Variants in TSPEAR observed in about 807,000 individuals in gnomAD.
TSPEAR encodes the protein thrombospondin type laminin G domain and EAR repeats.
TSPEAR carries 69 observed loss-of-function variants against 71.6 expected under a neutral mutation model. That is an observed-to-expected ratio of 0.96 (90% CI 0.79 to 1.18). The LOEUF (loss-of-function observed/expected upper bound fraction) is 1.18, where lower values mean the gene tolerates loss of function less well. Ranked by LOEUF, TSPEAR falls within the 50% of genes most tolerant of loss-of-function variation. TSPEAR has a pLI of 0.00. For missense variants in TSPEAR, 971 were observed against 894.9 expected, an observed-to-expected ratio of 1.09 and a Z score of -1.09; for synonymous variants, 402 against 387.2, an observed-to-expected ratio of 1.04 and a Z score of -0.45.
At chr21:44,671,505 G>C (rs1374022963) in intron 1 of TSPEAR, among the ~76,000 whole-genome samples, 3 of 152,202 alleles carry the variant, frequency 2.0e-5, no homozygotes, top group African/African-American at 4.8e-5. Flanking sequence ...TGGCCAACCT[G>C]GTGTTTCTGA....
intron 1 of TSPEAR, among the ~76,000 whole-genome samples, chr21:44,584,611 T>C (rs1182914647): frequency 2.0e-5 from 3 of 151,162 alleles, no homozygotes; most frequent in Middle Eastern, 6.9e-3. Flanking sequence ...CCTCTCTCCC[T>C]CTCTCTCTCT....
rs587648214 is a variant in TSPEAR, at chr21:44,649,301, G to A, written c.82+62132C>T. ...TGGCCTGGGAGGAGGGATGAGCAGCGGTCTGTGGAGGAGGCCTTCTAAGGA... is the reference window on the plus strand; with the variant it reads ...TGGCCTGGGAGGAGGGATGAGCAGCAGTCTGTGGAGGAGGCCTTCTAAGGA... On this transcript the variant is annotated intron_variant, in intron 1 of 11. Transcript: ENST00000323084. Among the ~76,000 whole-genome samples the A allele has an allele frequency of 3.0e-4, 45 of 152,278 alleles. No individual in the cohort carries two copies. The South Asian group carries it at 7.9e-3, about 27-fold the overall frequency.
chr21:44,689,740 T>TATATATATATATATATATATATA (rs1555949490), intron 1 of TSPEAR, among the ~76,000 whole-genome samples: 284 of 124,912 alleles, frequency 2.3e-3, no homozygotes, highest in African/African-American at 3.0e-3. Flanking sequence ...TATATATATA[T>TATATATATATATATATATATATA]TTTGGGGGGG....
At chr21:44,501,767 C>T (rs950855332) in intron 11 of TSPEAR, among the ~76,000 whole-genome samples, 7 of 151,872 alleles carry the variant, frequency 4.6e-5, no homozygotes, top group Admixed American at 2.6e-4. Flanking sequence ...CCTGTCCCCC[C>T]CAAAAAATAA....
chr21:44,708,816 T>A (rs1555953010), intron 1 of TSPEAR, among the ~76,000 whole-genome samples: 3 of 152,218 alleles, frequency 2.0e-5, no homozygotes, highest in Non-Finnish European at 4.4e-5. Flanking sequence ...GAGCTGCAGT[T>A]TGGCCAAGTT....
rs782285134 is a variant in TSPEAR at position 44,697,381 on chromosome 21, C to A, written c.82+14052G>T. On this transcript the variant is annotated intron_variant, in intron 1 of 11. Transcript: ENST00000323084. The stretch of plus-strand genomic sequence containing the variant: ...GCACCCCAGTGAGCCGTGTATCCAG[C>A]CCCTGCTGCCGAGTGACCTGTGAGC... 77 of 1,613,270 alleles carry A rather than the reference C, an allele frequency of 4.8e-5. No homozygotes were observed. Among genetic ancestry groups the A allele is most frequent in the Admixed American group, 1.3e-4 (8 of 60,004 alleles).
chr21:44,500,419 C>T (rs1474031800), intron 11 of TSPEAR, among the ~76,000 whole-genome samples: 1 of 152,236 alleles, frequency 6.6e-6, no homozygotes, highest in East Asian at 1.9e-4. Flanking sequence ...GGCTGCTGGC[C>T]GCCAGGGTTT....
Position 44,623,054 on chromosome 21 carries a change from G to A in TSPEAR, c.83-55049C>T, listed in dbSNP as rs1410065613. On this transcript the variant is annotated intron_variant, in intron 1 of 11. Coordinates refer to ENST00000323084, the MANE Select transcript of TSPEAR (RefSeq NM_144991.3). This position sits in a 1 kb window ranked among gnomAD's most constrained non-coding sequence, Gnocchi z 4.5. ...TTCCACCATGAGCAAAGCCCCCTGA[G>A]GCCTCCCCAGAAGCTGAGCAGATGC... Among the ~76,000 whole-genome samples, 2 of 152,120 alleles carry A rather than the reference G, an allele frequency of 1.3e-5. No homozygotes were observed. Among genetic ancestry groups the A allele is most frequent in the African/African-American group, 4.8e-5 (2 of 41,398 alleles).
intron 1 of TSPEAR, chr21:44,682,068 G>A (rs1263697563): frequency 6.2e-7 from 1 of 1,614,010 alleles, no homozygotes; most frequent in South Asian, 1.1e-5. Context: ...TGCCTGGCAG[G>A]GGCTGGGCGC....
intron 1 of TSPEAR, among the ~76,000 whole-genome samples, chr21:44,704,184 C>T (rs1398115187): frequency 1.3e-5 from 2 of 152,136 alleles, no homozygotes; most frequent in Non-Finnish European, 2.9e-5. Context: ...TCCTACCATC[C>T]TCTTCCTAGC....
Position 44,574,088 on chromosome 21 carries a change from C to T in TSPEAR, c.83-6083G>A, listed in dbSNP as rs201050632. 534 of 1,607,360 alleles carry T rather than the reference C, an allele frequency of 3.3e-4. No homozygotes were observed. The Middle Eastern group carries it at 9.8e-3, about 30-fold the overall frequency. On this transcript the variant is annotated intron_variant, in intron 1 of 11. Transcript: ENST00000323084. ...CCTCCCCCTGCCAGCAGGCCTGCTGCGTGCCCGTCTGCTGCAAGACTGTCT... is the reference window on the plus strand; with the variant it reads ...CCTCCCCCTGCCAGCAGGCCTGCTGTGTGCCCGTCTGCTGCAAGACTGTCT...
chr21:44,501,809 A>G (rs983628343), intron 11 of TSPEAR, among the ~76,000 whole-genome samples: 11 of 152,188 alleles, frequency 7.2e-5, no homozygotes, highest in Admixed American at 2.0e-4. Flanking sequence ...AAAGGTACCC[A>G]GGCCCAGATG....
intron 1 of TSPEAR, among the ~76,000 whole-genome samples, chr21:44,705,775 C>T (rs1055816442): frequency 1.3e-5 from 2 of 152,186 alleles, no homozygotes; most frequent in African/African-American, 4.8e-5. Flanking sequence ...ATTTTAATTT[C>T]GCCTTGGAGC....
At chr21:44,579,669 C>T (rs1978742868) in intron 1 of TSPEAR, 1 of 1,512,292 alleles carries the variant, frequency 6.6e-7, no homozygotes, top group Non-Finnish European at 8.8e-7. Context: ...GGGGCCCCGT[C>T]CCAAGCGGGG....
chr21:44,689,273 C>T (rs558640795), intron 1 of TSPEAR, among the ~76,000 whole-genome samples: 109 of 152,178 alleles, frequency 7.2e-4, no homozygotes, highest in African/African-American at 2.5e-3. Context: ...GAGGCCGAGG[C>T]GGGCGGATCA....
intron 1 of TSPEAR, chr21:44,627,163 C>T (rs1308371205): frequency 2.7e-5 from 43 of 1,609,556 alleles, no homozygotes; most frequent in Non-Finnish European, 3.3e-5. Context: ...ACCTCCTCCC[C>T]ACCCCAGCAT....
intron 1 of TSPEAR, among the ~76,000 whole-genome samples, chr21:44,579,103 G>T (rs1328612161): frequency 2.6e-5 from 4 of 152,214 alleles, no homozygotes; most frequent in Admixed American, 1.3e-4. Flanking sequence ...GGGTGACCAG[G>T]CCTGGAGGCT....
intron 1 of TSPEAR, among the ~76,000 whole-genome samples, chr21:44,603,747 C>T (rs1981133670): frequency 6.6e-6 from 1 of 152,244 alleles, no homozygotes; most frequent in African/African-American, 2.4e-5. Context: ...GCTGAAACTG[C>T]CCTTTGTCAC....
chr21:44,525,975 C>T, intron 7 of TSPEAR, 136 bp from the exon 8 acceptor site: 1 of 808,956 alleles, frequency 1.2e-6, no homozygotes, highest in Non-Finnish European at 2.0e-6. Flanking sequence ...AGGACCGAGG[C>T]CCCCGCATTA....
Sources: gnomAD v4.1 joint callset for allele counts (sites outside exome capture counted in the v4.1 genomes callset) on GRCh38, gnomAD v4.1.1 for gene constraint, Gnocchi (gnomAD v3.1) non-coding constraint, MANE v1.5 for transcripts, NCBI Gene and HGNC (gene_info 2026-07-23, HGNC 2026-07-21) for gene names.